The following ARHGAP18 variants were observed in gnomAD, a reference collection of about 807,000 sequenced individuals.
ARHGAP18 encodes the protein rho GTPase-activating protein 18.
Under a neutral mutation model 86.2 loss-of-function variants are expected in ARHGAP18, and 67 were observed. That is an observed-to-expected ratio of 0.78 (90% CI 0.64 to 0.95). The LOEUF (loss-of-function observed/expected upper bound fraction) is 0.95. Ranked by LOEUF, ARHGAP18 falls within the 40% of genes least tolerant of loss-of-function variation. The pLI is 0.00. For synonymous variants in ARHGAP18, 283 were observed against 280.4 expected (o/e 1.01, Z -0.09); for missense variants, 691 against 780.4 (o/e 0.89, Z 1.37).
At position 129,616,197 on chromosome 6, in the gene ARHGAP18, T is replaced by C. The variant is rs1249834052; in HGVS notation, c.1044+15A>G. On this transcript the variant is annotated intron_variant, in intron 7 of 14. Transcript: ENST00000368149. ...AGTATGTTCTCTCTATGCTGACCAA[T>C]CCAAGCCTACCTACTTTTTGAAAGA... 2 of 1,599,218 alleles carry C rather than the reference T, an allele frequency of 1.3e-6. No individual in the cohort carries two copies. The highest frequency in any genetic ancestry group is 2.7e-5 in the African/African-American group (2 of 74,650).
chr6:129,638,484 C>T lies in ARHGAP18; in HGVS notation c.462G>A (p.Thr154=), dbSNP rs34022250. 12,135 of 1,613,990 alleles carry T rather than the reference C, an allele frequency of 7.5e-3. 63 individuals are homozygous for T. Among genetic ancestry groups the T allele is most frequent in the Middle Eastern group, 0.015 (90 of 6,062 alleles). ...TTTTTTTCCTCAAGGTCTGGGAGACCGTCTCTACTCGCTTCTGAACTGCTG... is the reference window on the plus strand; with the variant it reads ...TTTTTTTCCTCAAGGTCTGGGAGACTGTCTCTACTCGCTTCTGAACTGCTG... ...QAAAVQKRVE[T]VSQTLRKKNK... is the part of the protein sequence containing the mutation. The change falls in exon 3 of 15, where the codon ACG becomes ACA. Residue 154 remains threonine, a synonymous_variant. Transcript: ENST00000368149.
At chr6:129,657,418 A>G (rs985491838) in intron 1 of ARHGAP18, among the ~76,000 whole-genome samples, 7 of 142,990 alleles carry the variant, frequency 4.9e-5, no homozygotes, top group African/African-American at 1.8e-4. Flanking sequence ...CATTGTCACC[A>G]TTTTTGAAAT....
intron 3 of ARHGAP18, 94 bp downstream of exon 3, chr6:129,638,300 T>C (rs1025413661): frequency 3.1e-5 from 39 of 1,239,556 alleles, no homozygotes; most frequent in Admixed American, 5.7e-5. Flanking sequence ...GAATAGGTGA[T>C]CATTACGTTT....
At chr6:129,666,757 G>A (rs1326518719) in intron 1 of ARHGAP18, among the ~76,000 whole-genome samples, 1 of 152,148 alleles carries the variant, frequency 6.6e-6, no homozygotes, top group Non-Finnish European at 1.5e-5. Context: ...TCAAAAACAA[G>A]TGTATATACA....
At chr6:129,640,230 TAAAC>T (rs1478718445) in intron 2 of ARHGAP18, among the ~76,000 whole-genome samples, 5 of 152,156 alleles carry the variant, frequency 3.3e-5, no homozygotes, top group Admixed American at 1.3e-4. Context: ...AAGTAAAACT[TAAAC>T]AATTTAAAGT....
chr6:129,629,380 C>A lies in ARHGAP18; in HGVS notation c.759G>T (p.Lys253Asn). Residue 253 changes from lysine (K) to asparagine (N), a missense_variant, in exon 5 of 15, where the codon AAG (lysine) becomes AAT (asparagine). Lys to Asn is a moderately conservative substitution (Grantham distance 94). Transcript: ENST00000368149. ...GTAATGTGGCATCATCGCCTTTGCTCTTCTGGATTTTCTCCTTGGAGCTCT... is the reference window on the plus strand; with the variant it reads ...GTAATGTGGCATCATCGCCTTTGCTATTCTGGATTTTCTCCTTGGAGCTCT... ...QKESSKEKIQ[K>N]SKGDDATLPS... 1 of 1,613,640 alleles carries A rather than the reference C, an allele frequency of 6.2e-7. No homozygotes were observed. The highest frequency in any genetic ancestry group is 8.5e-7 in the Non-Finnish European group (1 of 1,179,904).
At chr6:129,702,406 T>A (rs1584123462) in intron 1 of ARHGAP18, among the ~76,000 whole-genome samples, 1 of 152,168 alleles carries the variant, frequency 6.6e-6, no homozygotes, top group Admixed American at 6.5e-5. Flanking sequence ...TCTCTATCCC[T>A]TTTTTATCGA....
chr6:129,699,173 T>C (rs1323362791), intron 1 of ARHGAP18, among the ~76,000 whole-genome samples: 2 of 152,216 alleles, frequency 1.3e-5, no homozygotes, highest in Non-Finnish European at 2.9e-5. Context: ...AATTACATTA[T>C]ACAGCTATAA....
intron 2 of ARHGAP18, among the ~76,000 whole-genome samples, chr6:129,640,993 G>C (rs192962287): frequency 1.3e-5 from 2 of 152,250 alleles, no homozygotes; most frequent in Non-Finnish European, 1.5e-5. Flanking sequence ...TTATAGCAGA[G>C]AATGGGAAAT....
intron 7 of ARHGAP18, among the ~76,000 whole-genome samples, chr6:129,614,833 C>T (rs1027834506): frequency 7.4e-5 from 11 of 149,640 alleles, no homozygotes; most frequent in African/African-American, 2.2e-4. Flanking sequence ...TAGTGGGCCT[C>T]ATCCAAACAG....
At chr6:129,648,174 A>AT (rs1248099599) in intron 1 of ARHGAP18, among the ~76,000 whole-genome samples, 3 of 151,346 alleles carry the variant, frequency 2.0e-5, no homozygotes, top group Non-Finnish European at 2.9e-5. Flanking sequence ...TAATTTTTCA[A>AT]TTTTTTTGGT....
rs1310400244 is a variant in ARHGAP18 at position 129,668,369 on chromosome 6, C to CACAA, written c.114-26352_114-26351insTTGT. Among the ~76,000 whole-genome samples the CACAA allele has an allele frequency of 1.8e-4, 26 of 146,716 alleles. No individual in the cohort carries two copies. The Admixed American group carries it at 1.8e-3, about 10-fold the overall frequency. On this transcript the variant is annotated intron_variant, in intron 1 of 14. Transcript: ENST00000368149. ...ATCAATTTACCCAAATAATCACACA[C>CACAA]ACACACACACACACACACACACACA...
In ARHGAP18 at chr6:129,625,669, ATTATAT is replaced by A. The variant is rs1481895561; in HGVS notation, c.786+3678_786+3683del. Among the ~76,000 whole-genome samples, 54 of 59,140 alleles carry A rather than the reference ATTATAT, an allele frequency of 9.1e-4. 13 individuals are homozygous for A. Among genetic ancestry groups the A allele is most frequent in the Non-Finnish European group, 1.4e-3 (48 of 35,014 alleles). The allele number at this position is 59,140 out of a possible 152,430, so 38.8% of individuals were successfully genotyped here. Reference sequence around the variant, plus strand: ...ATATTTATATATTATATATATTTATATTATATTATATATATTTATATATTATATATT... The same window carrying A: ...ATATTTATATATTATATATATTTATATATATATATTTATATATTATATATT... On this transcript the variant is annotated intron_variant, in intron 5 of 14. Transcript: ENST00000368149.
intron 8 of ARHGAP18, among the ~76,000 whole-genome samples, chr6:129,608,276 A>G (rs546624077): frequency 1.3e-5 from 2 of 152,220 alleles, no homozygotes; most frequent in Admixed American, 6.5e-5. Flanking sequence ...TAAGGCCAAA[A>G]AACATTTTAA....
rs551615836 is a variant in ARHGAP18, at chr6:129,576,821, C to A, written c.*1692G>T. 1 of 151,932 alleles carries A rather than the reference C, an allele frequency of 6.6e-6. No individual in the cohort carries two copies. Among genetic ancestry groups the A allele is most frequent in the South Asian group, 2.1e-4 (1 of 4,812 alleles). The allele number at this position is 151,932 out of a possible 1,614,324, so 9.4% of individuals were successfully genotyped here. ...ATTGTTTTCAACCCACTAATAAGTA[C>A]CATTTTGCTAATTGGGAAATTAATA... On this transcript the variant is annotated 3_prime_UTR_variant, in exon 15 of 15. Transcript: ENST00000368149.
intron 1 of ARHGAP18, among the ~76,000 whole-genome samples, chr6:129,651,072 T>C (rs983526717): frequency 1.3e-5 from 2 of 152,186 alleles, no homozygotes; most frequent in East Asian, 1.9e-4. Context: ...CAAACTGCCA[T>C]AGCAGATGTT....
rs117656107 is a variant in ARHGAP18 at position 129,680,774 on chromosome 6, A to G, written c.113+29250T>C. On this transcript the variant is annotated intron_variant, in intron 1 of 14. Coordinates refer to ENST00000368149, the MANE Select transcript of ARHGAP18 (RefSeq NM_033515.3). The stretch of plus-strand genomic sequence containing the variant: ...CTTATAGTTGCTTTTCCTTAACTGA[A>G]AAAGGAATTCTTGGCTAGAGAGCCT... 7.2e-4 allele frequency among the ~76,000 whole-genome samples: 110 copies of G among 152,372 alleles called. 2 individuals carry two copies. In the Middle Eastern group the frequency reaches 0.01, roughly 14 times the overall value.
At chr6:129,677,111 G>C (rs1014262150) in intron 1 of ARHGAP18, among the ~76,000 whole-genome samples, 59 of 151,820 alleles carry the variant, frequency 3.9e-4, no homozygotes, top group African/African-American at 1.4e-3. Context: ...TGCTTATGTT[G>C]GCCGGGCGCG....
At chr6:129,617,425 G>A (rs1244223707) in intron 6 of ARHGAP18, among the ~76,000 whole-genome samples, 1 of 152,166 alleles carries the variant, frequency 6.6e-6, no homozygotes. Flanking sequence ...TCAAAAGAAC[G>A]CCAGTAACCC....
Sources: gnomAD v4.1 joint callset for allele counts (sites outside exome capture counted in the v4.1 genomes callset) on GRCh38, gnomAD v4.1.1 for gene constraint, MANE v1.5 for transcripts, NCBI Gene and HGNC (gene_info 2026-07-23, HGNC 2026-07-21) for gene names.